HDAC1: variants seen among roughly 807,000 people sequenced by gnomAD.
The protein encoded by HDAC1 is protein deacetylase HDAC1.
A neutral mutation model predicts 65.5 loss-of-function variants in HDAC1; 18 were observed. The observed-to-expected ratio is 0.27, with a 90% CI of 0.19 to 0.41. The LOEUF (loss-of-function observed/expected upper bound fraction) is 0.41. Ranked by LOEUF, HDAC1 falls within the 10% of genes least tolerant of loss-of-function variation. HDAC1 has a pLI of 1.00. For missense variants in HDAC1, 373 were observed against 625.2 expected (o/e 0.60, Z 4.30); for synonymous variants, 211 against 227.9 (o/e 0.93, Z 0.67).
chr1:32,319,513 A>G (rs769936656), intron 3 of HDAC1, among the ~76,000 whole-genome samples: 74 of 152,264 alleles, frequency 4.9e-4, no homozygotes, highest in Non-Finnish European at 7.6e-4. Flanking sequence ...TTGCTTTGTC[A>G]TCCAGGGTAC....
At chr1:32,318,370 G>A (rs1206276272) in intron 3 of HDAC1, among the ~76,000 whole-genome samples, 2 of 152,136 alleles carry the variant, frequency 1.3e-5, no homozygotes, top group African/African-American at 4.8e-5. Flanking sequence ...AGACCAGCCT[G>A]GGCAACATAG....
intron 2 of HDAC1, among the ~76,000 whole-genome samples, chr1:32,306,939 T>C (rs149225962): frequency 1.2e-4 from 18 of 152,178 alleles, no homozygotes; most frequent in African/African-American, 4.3e-4. Flanking sequence ...CCGTTTACAG[T>C]TTCATGCATA....
intron 2 of HDAC1, among the ~76,000 whole-genome samples, chr1:32,311,897 G>A (rs1322235839): frequency 6.6e-6 from 1 of 152,202 alleles, no homozygotes; most frequent in African/African-American, 2.4e-5. Context: ...CATCTGTGTA[G>A]AAGGGATAGC....
At chr1:32,300,068 A>G (rs968971559) in intron 1 of HDAC1, among the ~76,000 whole-genome samples, 1 of 151,892 alleles carries the variant, frequency 6.6e-6, no homozygotes, top group African/African-American at 2.4e-5. Context: ...AAAAAAAAAG[A>G]AAAAAGGAAA....
In HDAC1 at chr1:32,327,282, G is replaced by T; in HGVS notation, c.494+205G>T. 1 of 621,202 alleles carries T rather than the reference G, an allele frequency of 1.6e-6. No homozygotes were observed. The highest frequency in any genetic ancestry group is 2.9e-5 in the Admixed American group (1 of 34,922). 38.5% of individuals were successfully genotyped at this position (621,202 alleles called of 1,614,324 possible). ...CATGATCAGGGGCAGATGCTGCTCA[G>T]ATCCTGCCTCCAGAGTGTCCCTGTG... On this transcript the variant is annotated intron_variant, in intron 5 of 13. Transcript: ENST00000373548. This position sits in a 1 kb window ranked among gnomAD's most constrained non-coding sequence, Gnocchi z 6.0.
At chr1:32,321,707 T>C (rs1641148600) in intron 3 of HDAC1, among the ~76,000 whole-genome samples, 2 of 152,200 alleles carry the variant, frequency 1.3e-5, no homozygotes, top group African/African-American at 4.8e-5. Context: ...AGCTACATGT[T>C]GGTTTGGTGC....
chr1:32,296,904 C>G (rs1489054927), intron 1 of HDAC1, among the ~76,000 whole-genome samples: 1 of 152,106 alleles, frequency 6.6e-6, no homozygotes, highest in African/African-American at 2.4e-5. Flanking sequence ...AGACACTAAC[C>G]TTCAACAAAT....
At chr1:32,293,950 C>T (rs192830904) in intron 1 of HDAC1, among the ~76,000 whole-genome samples, 1 of 151,434 alleles carries the variant, frequency 6.6e-6, no homozygotes, top group Non-Finnish European at 1.5e-5. Context: ...TGCCTGTAGT[C>T]CCAGCTACTC....
rs72668521 is a variant in HDAC1 at position 32,305,419 on chromosome 1, G to C, written c.162+2686G>C. On this transcript the variant is annotated intron_variant, in intron 2 of 13. Transcript: ENST00000373548. ...ACCTGTGTTAGATAAAGCCAAAATG[G>C]TTTCCAATTGCCAGCTATGTAGGAG... Among the ~76,000 whole-genome samples, 1,239 of 152,278 alleles carry C rather than the reference G, an allele frequency of 8.1e-3. 8 individuals are homozygous for C. Among genetic ancestry groups the C allele is most frequent in the Non-Finnish European group, 0.013 (883 of 68,022 alleles).
At chr1:32,299,238 T>C (rs914487949) in intron 1 of HDAC1, among the ~76,000 whole-genome samples, 3 of 151,968 alleles carry the variant, frequency 2.0e-5, no homozygotes, top group Non-Finnish European at 4.4e-5. Flanking sequence ...TCAATGTGTA[T>C]AGGAATACAC....
chr1:32,323,368 C>G (rs1641174901), intron 3 of HDAC1, among the ~76,000 whole-genome samples: 1 of 151,846 alleles, frequency 6.6e-6, no homozygotes, highest in East Asian at 1.9e-4. Flanking sequence ...TAACAGCTCA[C>G]CTCTCTGAAC....
At chr1:32,332,316 G>GC in intron 12 of HDAC1, 74 bp downstream of exon 12, 9 of 1,403,330 alleles carry the variant, frequency 6.4e-6, no homozygotes, top group Non-Finnish European at 8.8e-6. Flanking sequence ...TGGGAGGAGG[G>GC]AGTGACTCAG....
intron 1 of HDAC1, among the ~76,000 whole-genome samples, chr1:32,298,193 T>C (rs1442465725): frequency 6.6e-6 from 1 of 151,390 alleles, no homozygotes; most frequent in Non-Finnish European, 1.5e-5. Context: ...GTTTAAGCGA[T>C]TCTCCTGCCT....
chr1:32,332,167 A>C lies in HDAC1; in HGVS notation c.1297A>C (p.Asn433His), dbSNP rs1341194366. The change falls in exon 12 of 14, where the codon AAC becomes CAC. Residue 433 changes from asparagine to histidine, a missense_variant. Around this residue, in one of 4 missense-constraint regions of HDAC1, gnomAD observed 126 missense variants for 126.2 expected, o/e 1.00. Coordinates refer to ENST00000373548, the MANE Select transcript of HDAC1 (RefSeq NM_004964.3). ...AGAGGAGGGAGAGGGGGGCCGCAAG[A>C]ACTCTTCCAACTTCAAAAAAGCCAA... ...SEEEGEGGRK[N>H]SSNFKKAKRV... 2.5e-6 allele frequency: 4 copies of C among 1,613,696 alleles called. No homozygotes were observed. The highest frequency in any genetic ancestry group is 8.5e-7 in the Non-Finnish European group (1 of 1,179,704).
chr1:32,310,940 GAA>G (rs1168276683), intron 2 of HDAC1, among the ~76,000 whole-genome samples: 3 of 150,800 alleles, frequency 2.0e-5, no homozygotes, highest in African/African-American at 4.9e-5. Context: ...AGGAAGGAAA[GAA>G]GAGAGAAAAG....
Position 32,316,768 on chromosome 1 carries a change from A to G in HDAC1, c.266A>G (p.Lys89Arg). Residue 89 changes from lysine to arginine, a missense_variant, in exon 3 of 14, where the codon AAG becomes AGG. By Grantham distance (26) the Lys-to-Arg change is conservative (BLOSUM62 2). This residue lies in a region of HDAC1 where 80 missense variants were observed against 126.3 expected (regional missense o/e 0.63). Transcript: ENST00000373548. ...IRPDNMSEYS[K>R]QMQRFNVGED... ...CCAGATAACATGTCGGAGTACAGCA[A>G]GCAGATGCAGAGATGTAAGTCCATT... 6.2e-7 allele frequency: 1 copy of G among 1,602,984 alleles called. No individual in the cohort carries two copies.
intron 2 of HDAC1, among the ~76,000 whole-genome samples, chr1:32,306,667 T>C (rs1640915370): frequency 1.3e-5 from 2 of 151,934 alleles, no homozygotes; most frequent in Non-Finnish European, 2.9e-5. Flanking sequence ...ATTCTGTTGT[T>C]TGTTGTTGTT....
At chr1:32,332,585 C>T in intron 12 of HDAC1, 116 bp from the exon 13 acceptor site, 1 of 774,388 alleles carries the variant, frequency 1.3e-6, no homozygotes, top group South Asian at 1.7e-5. Flanking sequence ...ATGGGCTTTT[C>T]TCTCTTTATG....
chr1:32,321,751 A>G (rs1641149322), intron 3 of HDAC1, among the ~76,000 whole-genome samples: 1 of 152,042 alleles, frequency 6.6e-6, no homozygotes, highest in South Asian at 2.1e-4. Flanking sequence ...TCTCACGTCC[A>G]AAACACCCAT....
Sources: allele counts gnomAD v4.1 joint callset (sites outside exome capture counted in the v4.1 genomes callset), GRCh38; gene constraint gnomAD v4.1.1; regional missense constraint gnomAD v4.1.1; non-coding constraint Gnocchi (gnomAD v3.1); transcripts MANE v1.5; gene names NCBI Gene and HGNC (gene_info 2026-07-23, HGNC 2026-07-21).